DCAF5: variants seen among roughly 807,000 people sequenced by gnomAD.
DCAF5 encodes DDB1- and CUL4-associated factor 5.
Under a neutral mutation model 80.7 loss-of-function variants are expected in DCAF5, and 9 were observed. That is an observed-to-expected ratio of 0.11 (90% CI 0.07 to 0.19). The LOEUF is 0.19. Among genes scored for constraint, DCAF5 ranks in the 10% least tolerant of loss-of-function variants. DCAF5 has a pLI of 1.00. For synonymous variants in DCAF5, 433 were observed against 461.9 expected, an observed-to-expected ratio of 0.94 and a Z score of 0.80; for missense variants, 842 against 1,205.7, an observed-to-expected ratio of 0.70 and a Z score of 4.47.
intron 5 of DCAF5, among the ~76,000 whole-genome samples, chr14:69,115,000 T>TA (rs945614785): frequency 3.3e-5 from 5 of 152,174 alleles, no homozygotes; most frequent in African/African-American, 1.2e-4. Context: ...ATTGCAATTA[T>TA]AAGTAGGAGA....
chr14:69,144,399 C>T (rs1394416792), intron 1 of DCAF5, among the ~76,000 whole-genome samples: 3 of 151,838 alleles, frequency 2.0e-5, no homozygotes, highest in Non-Finnish European at 2.9e-5. Flanking sequence ...GGTGAAACCC[C>T]GTCTCTACTA....
Position 69,135,477 on chromosome 14 carries a change from G to GCTGCACAC in DCAF5, c.215-13118_215-13117insGTGTGCAG, listed in dbSNP as rs2041163167. On this transcript the variant is annotated intron_variant, in intron 1 of 8. Coordinates refer to ENST00000341516, the MANE Select transcript of DCAF5 (RefSeq NM_003861.3). ...CACACTGAAAAACAATACCTATTTT[G>GCTGCACAC]TGAAAAAGTATCTATGAGATAGTTT... is the stretch of plus-strand genomic sequence containing the variant. Among the ~76,000 whole-genome samples, 14 of 152,238 alleles carry GCTGCACAC rather than the reference G, an allele frequency of 9.2e-5. No individual in the cohort carries two copies. In the South Asian group the frequency reaches 1.2e-3, roughly 14 times the overall value.
At position 69,062,399 on chromosome 14, in the gene DCAF5, T is replaced by C. The variant is rs1226905823; in HGVS notation, c.1059A>G (p.Val353=). Residue 353 remains valine, a synonymous_variant, in exon 8 of 9, where the codon GTA becomes GTG. Coordinates refer to ENST00000341516, the MANE Select transcript of DCAF5 (RefSeq NM_003861.3). ...GGTGCCTCACCTTGATAATCTTTTC[T>C]ACACCAGAAGAGCAGATCATGTAGG... ...PHTYMICSSG[V]EKIIKIWSPY... The C allele has an allele frequency of 1.1e-5, 18 of 1,613,912 alleles. No individual in the cohort carries two copies. Among genetic ancestry groups the C allele is most frequent in the African/African-American group, 2.7e-5 (2 of 75,052 alleles).
chr14:69,103,459 C>A (rs1028113772), intron 5 of DCAF5, among the ~76,000 whole-genome samples: 1 of 152,128 alleles, frequency 6.6e-6, no homozygotes, highest in African/African-American at 2.4e-5. Flanking sequence ...AGATTCAGAG[C>A]AAGACACAAG....
At chr14:69,117,863 C>T (rs2040589986) in intron 4 of DCAF5, among the ~76,000 whole-genome samples, 1 of 152,182 alleles carries the variant, frequency 6.6e-6, no homozygotes, top group African/African-American at 2.4e-5. Flanking sequence ...GTCAGCACCA[C>T]AACTTCTGCT....
intron 8 of DCAF5, among the ~76,000 whole-genome samples, chr14:69,058,326 C>G (rs1428602094): frequency 1.3e-5 from 2 of 151,820 alleles, no homozygotes; most frequent in Non-Finnish European, 2.9e-5. Flanking sequence ...CGAGACCAGC[C>G]TGGCCAACGT....
intron 1 of DCAF5, among the ~76,000 whole-genome samples, chr14:69,135,362 G>T (rs561851287): frequency 4.6e-5 from 7 of 152,270 alleles, no homozygotes; most frequent in Non-Finnish European, 1.0e-4. Context: ...TGATGAAGCA[G>T]TAAAAATAAT....
chr14:69,103,372 C>T (rs1187623507), intron 5 of DCAF5, among the ~76,000 whole-genome samples: 5 of 152,300 alleles, frequency 3.3e-5, no homozygotes, highest in East Asian at 1.9e-4. Context: ...TCAGAGGGGG[C>T]GTTAGCCTGT....
At chr14:69,084,688 C>T (rs554053740) in intron 6 of DCAF5, 38 of 1,274,948 alleles carry the variant, frequency 3.0e-5, no homozygotes, top group East Asian at 2.1e-4. Context: ...CTTGTATGTC[C>T]GTGAAATACC....
At chr14:69,135,423 T>G (rs2041161099) in intron 1 of DCAF5, among the ~76,000 whole-genome samples, 1 of 152,174 alleles carries the variant, frequency 6.6e-6, no homozygotes, top group Admixed American at 6.5e-5. Context: ...TATGACAAAA[T>G]AGAAAGTACA....
chr14:69,146,160 C>T (rs924044790), intron 1 of DCAF5, among the ~76,000 whole-genome samples: 1 of 152,206 alleles, frequency 6.6e-6, no homozygotes, highest in East Asian at 1.9e-4. Context: ...AGGACTCTTG[C>T]TCTCTTTAGG....
At chr14:69,115,220 T>A (rs992335621) in intron 5 of DCAF5, among the ~76,000 whole-genome samples, 8 of 152,232 alleles carry the variant, frequency 5.3e-5, no homozygotes, top group South Asian at 4.2e-4. Context: ...TTCAATAGAC[T>A]GTAAAAGCAA....
At chr14:69,099,248 C>G (rs1353561181) in intron 5 of DCAF5, among the ~76,000 whole-genome samples, 1 of 114,170 alleles carries the variant, frequency 8.8e-6, no homozygotes, top group Non-Finnish European at 1.7e-5. Context: ...GGGACTCTGT[C>G]TCAACACACA....
chr14:69,119,248 A>C lies in DCAF5; in HGVS notation c.359-18T>G. On this transcript the variant is annotated intron_variant, in intron 2 of 8. Transcript: ENST00000341516. ...ATCATTGCCTGCAAAAGAAAAAAGCAGACATCTGATCATTCGTGCAAGGTG... is the reference window on the plus strand; with the variant it reads ...ATCATTGCCTGCAAAAGAAAAAAGCCGACATCTGATCATTCGTGCAAGGTG... 6.2e-7 allele frequency: 1 copy of C among 1,612,996 alleles called. No homozygotes were observed. Among genetic ancestry groups the C allele is most frequent in the Non-Finnish European group, 8.5e-7 (1 of 1,179,648 alleles).
chr14:69,110,364 G>A (rs2040316468), intron 5 of DCAF5, among the ~76,000 whole-genome samples: 1 of 150,304 alleles, frequency 6.7e-6, no homozygotes. Flanking sequence ...CCACCTCCTG[G>A]GTTCAAGCCT....
rs35075766 is a variant in DCAF5, at chr14:69,105,914, CATATAT to C, written c.665+10446_665+10451del. 8.4e-3 allele frequency among the ~76,000 whole-genome samples: 419 copies of C among 49,982 alleles called. 43 individuals are homozygous for C. Among genetic ancestry groups the C allele is most frequent in the Middle Eastern group, 0.024 (2 of 84 alleles). The allele number at this position is 49,982 out of a possible 152,430, so 32.8% of individuals were successfully genotyped here. A position where few individuals can be genotyped will look rare whatever the true frequency, so the allele number is the denominator to read the frequency against. ...GAGCCAATTTTCCCTAATAAACTGT[CATATAT>C]ATATATATATATATATATATATATA... On this transcript the variant is annotated intron_variant, in intron 5 of 8. Transcript: ENST00000341516.
intron 7 of DCAF5, 60 bp downstream of exon 7, chr14:69,075,285 G>A: frequency 7.1e-7 from 1 of 1,416,888 alleles, no homozygotes; most frequent in Non-Finnish European, 9.8e-7. Flanking sequence ...TCAGGGCACA[G>A]CATGCCAAAG....
intron 6 of DCAF5, chr14:69,089,809 A>C (rs1455014647): frequency 1.9e-6 from 1 of 514,164 alleles, no homozygotes; most frequent in African/African-American, 2.1e-5. Context: ...TTAGGATGAT[A>C]TTACCGGCTT....
intron 6 of DCAF5, chr14:69,083,777 A>G: frequency 1.4e-6 from 1 of 689,858 alleles, no homozygotes; most frequent in Non-Finnish European, 2.6e-6. Context: ...AAAACTGAAA[A>G]CAAAGGGGAA....
Sources: gnomAD v4.1 joint callset for allele counts (sites outside exome capture counted in the v4.1 genomes callset) on GRCh38, gnomAD v4.1.1 for gene constraint, MANE v1.5 for transcripts, NCBI Gene and HGNC (gene_info 2026-07-23, HGNC 2026-07-21) for gene names.